AHR: variants seen among roughly 807,000 people sequenced by gnomAD.
AHR encodes the protein AH-receptor.
A neutral mutation model predicts 86.8 loss-of-function variants in AHR; 40 were observed. The ratio of observed to expected loss-of-function variants is 0.46; its 90% CI spans 0.36 to 0.60. The LOEUF (loss-of-function observed/expected upper bound fraction) is 0.60, where lower values mean the gene tolerates loss of function less well. Ranked by LOEUF, AHR falls within the 20% of genes least tolerant of loss-of-function variation. AHR has a pLI of 0.00. For synonymous variants in AHR, 398 were observed against 354.9 expected, an observed-to-expected ratio of 1.12 and a Z score of -1.37; for missense variants, 1,001 against 1,011.6, an observed-to-expected ratio of 0.99 and a Z score of 0.14.
chr7:17,320,344 C>T (rs1782155986), intron 2 of AHR, among the ~76,000 whole-genome samples: 1 of 152,016 alleles, frequency 6.6e-6, no homozygotes, highest in African/African-American at 2.4e-5. Flanking sequence ...TGAATGGTCT[C>T]TTTCATTGCT....
chr7:17,299,577 C>T (rs539845880), intron 1 of AHR, among the ~76,000 whole-genome samples: 90 of 152,184 alleles, frequency 5.9e-4, no homozygotes, highest in Non-Finnish European at 1.2e-3. Flanking sequence ...GCATACACAC[C>T]CTCTCACATT....
Position 17,309,916 on chromosome 7 carries a change from G to A in AHR, c.66-20G>A. 6.6e-7 allele frequency: 1 copy of A among 1,515,360 alleles called. No homozygotes were observed. 93.9% of individuals were successfully genotyped at this position (1,515,360 alleles called of 1,614,324 possible). A position where few individuals can be genotyped will look rare whatever the true frequency, so the allele number is the denominator to read the frequency against. The stretch of plus-strand genomic sequence containing the variant: ...TATATTTTTTAAAGGATTTTTTATG[G>A]TATTTTGTTTGTTTTTCAGAGTAAA... On this transcript the variant is annotated intron_variant, in intron 1 of 10. Transcript: ENST00000242057.
At chr7:17,309,201 G>C (rs946743264) in intron 1 of AHR, among the ~76,000 whole-genome samples, 2 of 152,074 alleles carry the variant, frequency 1.3e-5, no homozygotes, top group South Asian at 2.1e-4. Flanking sequence ...TTAGGGTTCC[G>C]TTGAACTTTC....
At chr7:17,300,170 T>G (rs1451624184) in intron 1 of AHR, among the ~76,000 whole-genome samples, 1 of 152,236 alleles carries the variant, frequency 6.6e-6, no homozygotes, top group Non-Finnish European at 1.5e-5. Flanking sequence ...TCGGTTGATT[T>G]TGGTGGAATA....
chr7:17,327,496 A>G (rs183291111), intron 3 of AHR, among the ~76,000 whole-genome samples: 1 of 151,938 alleles, frequency 6.6e-6, no homozygotes. Context: ...AAAAGAGAAA[A>G]TCTGAAACAT....
rs188231496 is a variant in AHR, at chr7:17,336,538, A to G, written c.1160+752A>G. ...TTGCCTTGGTTCTTCTTTGCCCTCT[A>G]TAATTCCATATACATTTTAGAAAGC... On this transcript the variant is annotated intron_variant, in intron 9 of 10. Transcript: ENST00000242057. Among the ~76,000 whole-genome samples the G allele has an allele frequency of 1.4e-3, 210 of 152,262 alleles. 1 individual carries two copies. The highest frequency in any genetic ancestry group is 4.7e-3 in the African/African-American group (195 of 41,566).
rs1296941094 is a variant in AHR at position 17,343,387 on chromosome 7, A to C, written c.*323A>C. ...AAACTAAGATTCTTTTAAATTAGAA[A>C]ATATTCTCTATTTGAATTATTTCTG... is the stretch of plus-strand genomic sequence containing the variant. On this transcript the variant is annotated 3_prime_UTR_variant, in exon 11 of 11. Transcript: ENST00000242057. The C allele has an allele frequency of 4.1e-6, 1 of 246,648 alleles. No homozygotes were observed. The highest frequency in any genetic ancestry group is 7.6e-6 in the Non-Finnish European group (1 of 130,902). 15.3% of individuals were successfully genotyped at this position (246,648 alleles called of 1,614,324 possible). A position where few individuals can be genotyped will look rare whatever the true frequency, so the allele number is the denominator to read the frequency against.
At chr7:17,303,234 T>A (rs138799818) in intron 1 of AHR, among the ~76,000 whole-genome samples, 137 of 152,164 alleles carry the variant, frequency 9.0e-4, no homozygotes, top group African/African-American at 3.1e-3. Flanking sequence ...AAAGGTAGTA[T>A]TATTTAAGTT....
Position 17,298,969 on chromosome 7 carries a change from G to C in AHR, c.-296G>C. 1 of 440,348 alleles carries C rather than the reference G, an allele frequency of 2.3e-6. No individual in the cohort carries two copies. Among genetic ancestry groups the C allele is most frequent in the Non-Finnish European group, 3.9e-6 (1 of 253,314 alleles). The allele number at this position is 440,348 out of a possible 1,614,324, so 27.3% of individuals were successfully genotyped here. ...CCTCACCTGCGGGCATTGCCGCGCC[G>C]CCTCCGCCGGTGTAGACGGCACCTG... On this transcript the variant is annotated 5_prime_UTR_variant, in exon 1 of 11. Transcript: ENST00000242057.
intron 2 of AHR, among the ~76,000 whole-genome samples, chr7:17,313,147 C>T (rs1054195675): frequency 2.7e-4 from 41 of 151,484 alleles, no homozygotes; most frequent in African/African-American, 9.5e-4. Context: ...TTTTTAATCC[C>T]CAAATTTCCT....
intron 3 of AHR, among the ~76,000 whole-genome samples, chr7:17,326,024 TATTTAAGTG>T (rs1782226815): frequency 6.6e-6 from 1 of 152,190 alleles, no homozygotes; most frequent in South Asian, 2.1e-4. Context: ...CATATCATGT[TATTTAAGTG>T]AGTACGCTTT....
In AHR at chr7:17,329,894, T is replaced by G. The variant is rs548279938; in HGVS notation, c.451-58T>G. On this transcript the variant is annotated intron_variant, in intron 4 of 10. Coordinates refer to ENST00000242057, the MANE Select transcript of AHR (RefSeq NM_001621.5). Reference sequence around the variant, plus strand: ...TAATCTAAATAGGCTTTAAAATTAATTTAGCCATATTTTTTAATCAGTCCT... The same window carrying G: ...TAATCTAAATAGGCTTTAAAATTAAGTTAGCCATATTTTTTAATCAGTCCT... The G allele has an allele frequency of 5.4e-6, 8 of 1,487,994 alleles. No homozygotes were observed. The East Asian group carries it at 1.6e-4, about 30-fold the overall frequency. The allele number at this position is 1,487,994 out of a possible 1,614,324, so 92.2% of individuals were successfully genotyped here.
Position 17,322,490 on chromosome 7 carries a change from T to C in AHR, c.254-11T>C, listed in dbSNP as rs1301454766. 9.6e-6 allele frequency: 15 copies of C among 1,569,354 alleles called. No individual in the cohort carries two copies. The highest frequency in any genetic ancestry group is 1.2e-5 in the Non-Finnish European group (14 of 1,142,332). ...ACTTTTAAAATCATTGTTTTTCCTT[T>C]TTTTCCATAGTTGCATTAAAATCCT... is the stretch of plus-strand genomic sequence containing the variant. On this transcript the variant is annotated splice_polypyrimidine_tract_variant and intron_variant, in intron 2 of 10. Transcript: ENST00000242057.
At chr7:17,299,452 C>G in intron 1 of AHR, 123 bp downstream of exon 1, 1 of 1,111,878 alleles carries the variant, frequency 9.0e-7, no homozygotes, top group Non-Finnish European at 1.3e-6. Flanking sequence ...CCCGGCACTG[C>G]CCGTGGAATC....
At chr7:17,316,062 A>G (rs1298084389) in intron 2 of AHR, among the ~76,000 whole-genome samples, 2 of 152,214 alleles carry the variant, frequency 1.3e-5, no homozygotes, top group East Asian at 3.8e-4. Flanking sequence ...TCTGTGGAGT[A>G]TGAAAGTATG....
In AHR at chr7:17,340,163, C is replaced by G. The variant is rs771147127; in HGVS notation, c.2338C>G (p.His780Asp). 6.2e-7 allele frequency: 1 copy of G among 1,614,216 alleles called. No homozygotes were observed. Among genetic ancestry groups the G allele is most frequent in the East Asian group, 2.2e-5 (1 of 44,882 alleles). Residue 780 changes from histidine to aspartate, a missense_variant, in exon 10 of 11, where the codon CAC becomes GAC. By Grantham distance (81) the His-to-Asp change is moderately conservative. This residue lies in a region of AHR where 607 missense variants were observed against 543.1 expected (regional missense o/e 1.12). Transcript: ENST00000242057. ...GTATCAGTGCCAGCCAGAACCTCAG[C>G]ACACCCACGTGGGTCAGATGCAGTA... is the stretch of plus-strand genomic sequence containing the variant. ...SMYQCQPEPQ[H>D]THVGQMQYNP...
At chr7:17,336,548 A>G (rs1328165163) in intron 9 of AHR, among the ~76,000 whole-genome samples, 1 of 152,100 alleles carries the variant, frequency 6.6e-6, no homozygotes, top group African/African-American at 2.4e-5. Context: ...ATAATTCCAT[A>G]TACATTTTAG....
chr7:17,328,786 A>T (rs1782254660), intron 4 of AHR, among the ~76,000 whole-genome samples: 1 of 151,930 alleles, frequency 6.6e-6, no homozygotes, highest in Admixed American at 6.6e-5. Flanking sequence ...TGTGTTTCAG[A>T]TGCAACTTTT....
At chr7:17,314,154 A>G (rs1782093120) in intron 2 of AHR, among the ~76,000 whole-genome samples, 1 of 152,118 alleles carries the variant, frequency 6.6e-6, no homozygotes, top group South Asian at 2.1e-4. Flanking sequence ...ACACCTAATG[A>G]GCCTGACAAA....
Sources: gnomAD v4.1 joint callset for allele counts (sites outside exome capture counted in the v4.1 genomes callset) on GRCh38, gnomAD v4.1.1 for gene constraint, gnomAD v4.1.1 regional missense constraint, MANE v1.5 for transcripts, NCBI Gene and HGNC (gene_info 2026-07-23, HGNC 2026-07-21) for gene names.